The following HTT variants were observed in gnomAD, a reference collection of about 807,000 sequenced individuals.
HTT encodes the protein huntington disease protein.
HTT carries 104 observed loss-of-function variants against 362.3 expected under a neutral mutation model. That is an observed-to-expected ratio of 0.29 (90% CI 0.24 to 0.34). The LOEUF is 0.34. Ranked by LOEUF, HTT falls within the 10% of genes least tolerant of loss-of-function variation. HTT has a pLI of 1.00. For synonymous variants in HTT, 1,577 were observed against 1,548.7 expected, an observed-to-expected ratio of 1.02 and a Z score of -0.43; for missense variants, 3,301 against 3,928.6, an observed-to-expected ratio of 0.84 and a Z score of 4.27.
Position 3,173,031 on chromosome 4 carries a change from CACT to C in HTT, c.4070_4072del (p.Tyr1357del). On this transcript the variant is annotated inframe_deletion, in exon 31 of 67. Coordinates refer to ENST00000355072, the MANE Select transcript of HTT (RefSeq NM_001388492.1). ...CTCCAGTGTGAGGCCAGGCTTGTAC[CACT>C]ACTGCTTCATGGCCCCGTACACCCA... 6.2e-7 allele frequency: 1 copy of C among 1,614,142 alleles called. No homozygotes were observed. The highest frequency in any genetic ancestry group is 1.3e-5 in the African/African-American group (1 of 75,042).
intron 57 of HTT, among the ~76,000 whole-genome samples, chr4:3,226,180 T>TG (rs564330431): frequency 2.7e-4 from 41 of 150,246 alleles, no homozygotes; most frequent in African/African-American, 1.0e-3. Flanking sequence ...GGCCAGCTCT[T>TG]GGGGGGCTCC....
At chr4:3,201,935 C>G in intron 41 of HTT, among the ~76,000 whole-genome samples, 1 of 152,204 alleles carries the variant, frequency 6.6e-6, no homozygotes, top group East Asian at 1.9e-4. Flanking sequence ...CTGCTGCTTA[C>G]TCTTGACCCT....
chr4:3,113,929 GC>G (rs1284784345), intron 6 of HTT, among the ~76,000 whole-genome samples: 2 of 152,146 alleles, frequency 1.3e-5, no homozygotes, highest in African/African-American at 4.8e-5. Flanking sequence ...CCCTAACCCA[GC>G]AGCGCTAGAG....
At chr4:3,142,733 G>A (rs928617315) in intron 22 of HTT, 33 bp from the exon 23 acceptor site, 2 of 1,122,888 alleles carry the variant, frequency 1.8e-6, no homozygotes. Flanking sequence ...TGTTTTAATA[G>A]TGTATTTTAA....
At chr4:3,185,790 G>T (rs1560584513) in intron 37 of HTT, among the ~76,000 whole-genome samples, 1 of 152,144 alleles carries the variant, frequency 6.6e-6, no homozygotes, top group Non-Finnish European at 1.5e-5. Flanking sequence ...GTGTGCGCCT[G>T]TAGTCCTGGC....
intron 36 of HTT, 98 bp from the exon 37 acceptor site, chr4:3,182,256 G>A: frequency 1.3e-6 from 1 of 752,670 alleles, no homozygotes; most frequent in South Asian, 1.6e-5. Flanking sequence ...GGATCCTAGA[G>A]TCTTCCAGCT....
chr4:3,238,398 G>T, intron 64 of HTT, 49 bp from the exon 65 acceptor site: 1 of 1,470,528 alleles, frequency 6.8e-7, no homozygotes. Context: ...GGCAGGTGGG[G>T]CAGCTGTGGG....
intron 2 of HTT, among the ~76,000 whole-genome samples, chr4:3,092,636 C>T (rs1237691210): frequency 6.6e-6 from 1 of 152,086 alleles, no homozygotes; most frequent in Non-Finnish European, 1.5e-5. Flanking sequence ...CCCACCTTGG[C>T]CTCCCAAAGC....
intron 2 of HTT, 68 bp from the exon 3 acceptor site, chr4:3,099,206 C>A: frequency 9.5e-7 from 1 of 1,049,386 alleles, no homozygotes; most frequent in Non-Finnish European, 1.5e-6. Context: ...ACACCGGATA[C>A]CTCATTACAT....
intron 9 of HTT, among the ~76,000 whole-genome samples, chr4:3,122,189 C>G (rs1421376307): frequency 6.6e-6 from 1 of 152,228 alleles, no homozygotes; most frequent in Non-Finnish European, 1.5e-5. Flanking sequence ...GGGCCCTACC[C>G]CACCATGCAG....
At position 3,157,088 on chromosome 4, in the gene HTT, T is replaced by C. The variant is rs766711727; in HGVS notation, c.3642T>C (p.Asp1214=). Residue 1214 remains aspartate, a synonymous_variant, in exon 28 of 67, where the codon GAT becomes GAC. Coordinates refer to ENST00000355072, the MANE Select transcript of HTT (RefSeq NM_001388492.1). ...TTTTTAAAGCTTCTAGACAATCTGA[T>C]ACCTCAGGTCCTGTTACAACAAGTA... ...SEASAASRQS[D]TSGPVTTSKS... 16 of 1,607,518 alleles carry C rather than the reference T, an allele frequency of 1.0e-5. No individual in the cohort carries two copies. The highest frequency in any genetic ancestry group is 1.3e-5 in the Non-Finnish European group (15 of 1,178,208).
chr4:3,136,661 A>G (rs1243849940), intron 21 of HTT, among the ~76,000 whole-genome samples: 2 of 152,024 alleles, frequency 1.3e-5, no homozygotes, highest in Admixed American at 6.6e-5. Context: ...ATTTTGCTAT[A>G]TACTCTATGA....
Position 3,220,173 on chromosome 4 carries a change from T to C in HTT, c.7243-9T>C. On this transcript the variant is annotated splice_polypyrimidine_tract_variant and intron_variant, in intron 52 of 66. Coordinates refer to ENST00000355072, the MANE Select transcript of HTT (RefSeq NM_001388492.1). ...CTCGGATGATGTCACTTCCTTTTCA[T>C]CTTCTCAGGTGTGGAAGCTTGGATG... is the stretch of plus-strand genomic sequence containing the variant. 1 of 1,614,062 alleles carries C rather than the reference T, an allele frequency of 6.2e-7. No homozygotes were observed. Among genetic ancestry groups the C allele is most frequent in the South Asian group, 1.1e-5 (1 of 91,080 alleles).
chr4:3,117,232 CA>C (rs1169857754), intron 8 of HTT, among the ~76,000 whole-genome samples: 1 of 152,124 alleles, frequency 6.6e-6, no homozygotes, highest in African/African-American at 2.4e-5. Flanking sequence ...TGGGATATGA[CA>C]TTTATATTTC....
At chr4:3,182,904 A>G (rs1474628580) in intron 37 of HTT, among the ~76,000 whole-genome samples, 1 of 151,950 alleles carries the variant, frequency 6.6e-6, no homozygotes, top group African/African-American at 2.4e-5. Flanking sequence ...TTCCTTTCCG[A>G]CAGGGTCTCA....
chr4:3,136,213 C>G lies in HTT; in HGVS notation c.2698-13C>G. On this transcript the variant is annotated splice_polypyrimidine_tract_variant and intron_variant, in intron 20 of 66. Coordinates refer to ENST00000355072, the MANE Select transcript of HTT (RefSeq NM_001388492.1). The stretch of plus-strand genomic sequence containing the variant: ...CAAGATTATGTTTATTTTTATTATC[C>G]TTCTCTCTAAAGCTTTTAAAACTGC... 1 of 1,539,276 alleles carries G rather than the reference C, an allele frequency of 6.5e-7. No individual in the cohort carries two copies. Among genetic ancestry groups the G allele is most frequent in the Non-Finnish European group, 8.9e-7 (1 of 1,118,320 alleles).
At chr4:3,208,676 T>G in intron 45 of HTT, 97 bp from the exon 46 acceptor site, 4 of 1,164,910 alleles carry the variant, frequency 3.4e-6, no homozygotes, top group Non-Finnish European at 4.7e-6. Flanking sequence ...CTCCTTAGAG[T>G]GTATATTTCT....
chr4:3,222,304 G>C, intron 53 of HTT, 83 bp from the exon 54 acceptor site: 1 of 1,159,940 alleles, frequency 8.6e-7, no homozygotes, highest in Non-Finnish European at 1.3e-6. Flanking sequence ...TCCAGGGGCC[G>C]TGCTGTGTCG....
At chr4:3,106,745 C>G (rs1033194248) in intron 5 of HTT, among the ~76,000 whole-genome samples, 1 of 152,114 alleles carries the variant, frequency 6.6e-6, no homozygotes, top group East Asian at 1.9e-4. Context: ...TCCCCAGCCA[C>G]CCTCTGAGGC....
Sources: allele counts gnomAD v4.1 joint callset (sites outside exome capture counted in the v4.1 genomes callset), GRCh38; gene constraint gnomAD v4.1.1; transcripts MANE v1.5; gene names NCBI Gene and HGNC (gene_info 2026-07-23, HGNC 2026-07-21).